The following TMEM132D variants were observed in gnomAD, a reference collection of about 807,000 sequenced individuals.
TMEM132D encodes mature OL transmembrane protein.
A neutral mutation model predicts 62.3 loss-of-function variants in TMEM132D; 21 were observed. The ratio of observed to expected loss-of-function variants is 0.34; its 90% confidence interval spans 0.24 to 0.49. TMEM132D has a LOEUF of 0.49. TMEM132D is among the 20% of genes least tolerant of loss of function. TMEM132D has a pLI of 0.99. For missense variants in TMEM132D, 1,346 were observed against 1,402.8 expected (o/e 0.96, Z 0.65); for synonymous variants, 621 against 575.6 (o/e 1.08, Z -1.13).
chr12:129,891,177 G>A (rs965947866), intron 1 of TMEM132D, among the ~76,000 whole-genome samples: 2 of 152,024 alleles, frequency 1.3e-5, no homozygotes, highest in South Asian at 4.2e-4. Context: ...TTACCTCCAC[G>A]TCATCTGTCC....
At chr12:129,230,854 T>C (rs534009194) in intron 4 of TMEM132D, among the ~76,000 whole-genome samples, 11 of 152,330 alleles carry the variant, frequency 7.2e-5, no homozygotes, top group Non-Finnish European at 1.5e-4. Flanking sequence ...TTGCTCAATC[T>C]GAAACCTCAG....
At chr12:129,252,237 C>T (rs1467811820) in intron 4 of TMEM132D, among the ~76,000 whole-genome samples, 1 of 152,020 alleles carries the variant, frequency 6.6e-6, no homozygotes, top group Non-Finnish European at 1.5e-5. Flanking sequence ...ATAAACATAC[C>T]ATCTCAGCCC....
rs140685707 is a variant in TMEM132D, at chr12:129,494,750, G to A, written c.1115+36309C>T. Among the ~76,000 whole-genome samples, 462 of 152,116 alleles carry A rather than the reference G, an allele frequency of 3.0e-3. 2 individuals carry two copies. Among genetic ancestry groups the A allele is most frequent in the Admixed American group, 5.2e-3 (79 of 15,276 alleles). On this transcript the variant is annotated intron_variant, in intron 3 of 8. Coordinates refer to ENST00000422113, the MANE Select transcript of TMEM132D (RefSeq NM_133448.3). ...TATCCTCCTACAACTGAATAAAATC[G>A]GAAGTCATCATCCTGGCCTCTGAGT... is the stretch of plus-strand genomic sequence containing the variant.
At chr12:129,748,635 G>A (rs1455035919) in intron 1 of TMEM132D, among the ~76,000 whole-genome samples, 1 of 152,188 alleles carries the variant, frequency 6.6e-6, no homozygotes, top group Non-Finnish European at 1.5e-5. Flanking sequence ...AAGAGGAATG[G>A]GTGGATCCCG....
chr12:129,609,478 A>G (rs750962534), intron 2 of TMEM132D, among the ~76,000 whole-genome samples: 4 of 152,160 alleles, frequency 2.6e-5, no homozygotes, highest in South Asian at 2.1e-4. Flanking sequence ...TTAAAAAGCG[A>G]CAGGAAAACT....
At chr12:129,737,082 C>A (rs1294963934) in intron 1 of TMEM132D, among the ~76,000 whole-genome samples, 1 of 152,178 alleles carries the variant, frequency 6.6e-6, no homozygotes, top group Non-Finnish European at 1.5e-5. Flanking sequence ...TCCCAAAGTG[C>A]TGGGATTACA....
rs1381090826 is a variant in TMEM132D, at chr12:129,809,300, T to C, written c.79+93961A>G. On this transcript the variant is annotated intron_variant, in intron 1 of 8. Transcript: ENST00000422113. ...TCCAGCCTGGGCGACAGAGCGAGAC[T>C]CCATATCAAAAAAAAAAAAAAAAAT... 1.3e-3 allele frequency among the ~76,000 whole-genome samples: 153 copies of C among 113,974 alleles called. 1 individual carries two copies. The highest frequency in any genetic ancestry group is 2.0e-3 in the Non-Finnish European group (113 of 55,818). The allele number at this position is 113,974 out of a possible 152,430, so 74.8% of individuals were successfully genotyped here.
intron 1 of TMEM132D, among the ~76,000 whole-genome samples, chr12:129,714,090 T>A (rs1393867496): frequency 6.6e-6 from 1 of 152,204 alleles, no homozygotes; most frequent in East Asian, 1.9e-4. Flanking sequence ...CTCTTCATCC[T>A]CTTCCTCACG....
intron 5 of TMEM132D, among the ~76,000 whole-genome samples, chr12:129,095,242 A>G (rs867562596): frequency 3.2e-4 from 48 of 152,248 alleles, no homozygotes; most frequent in Non-Finnish European, 5.9e-4. Context: ...TGGAAAAAAA[A>G]TTCAAATGAA....
intron 1 of TMEM132D, among the ~76,000 whole-genome samples, chr12:129,870,400 T>C (rs2137376482): frequency 6.6e-6 from 1 of 152,290 alleles, no homozygotes; most frequent in South Asian, 2.1e-4. Flanking sequence ...CCCAAACCCC[T>C]GAGGAAGGCC....
chr12:129,886,684 C>T (rs1250324935), intron 1 of TMEM132D, among the ~76,000 whole-genome samples: 1 of 152,154 alleles, frequency 6.6e-6, no homozygotes, highest in African/African-American at 2.4e-5. Context: ...AGTCAAGAAA[C>T]ACAGGGCACT....
chr12:129,805,406 A>T (rs1871947402), intron 1 of TMEM132D, among the ~76,000 whole-genome samples: 1 of 152,084 alleles, frequency 6.6e-6, no homozygotes, highest in Admixed American at 6.5e-5. Context: ...CAACCATCTG[A>T]TCTTTGACAA....
In TMEM132D at chr12:129,465,502, A is replaced by C. The variant is rs189883918; in HGVS notation, c.1115+65557T>G. 3.9e-3 allele frequency among the ~76,000 whole-genome samples: 600 copies of C among 152,312 alleles called. 3 individuals carry two copies. The highest frequency in any genetic ancestry group is 0.013 in the African/African-American group (561 of 41,564). On this transcript the variant is annotated intron_variant, in intron 3 of 8. Transcript: ENST00000422113. The stretch of plus-strand genomic sequence containing the variant: ...TATTCAATTAGGAAAAGAGGAAGTC[A>C]AATTGTCCCTGTTTGCAGATGACAT...
intron 4 of TMEM132D, among the ~76,000 whole-genome samples, chr12:129,237,345 T>C (rs1312043468): frequency 2.0e-5 from 3 of 152,150 alleles, no homozygotes; most frequent in Non-Finnish European, 4.4e-5. Flanking sequence ...GTTTAATGCC[T>C]GAAAAAAAAT....
intron 5 of TMEM132D, among the ~76,000 whole-genome samples, chr12:129,180,677 G>A (rs1437659517): frequency 6.6e-6 from 1 of 152,182 alleles, no homozygotes; most frequent in Non-Finnish European, 1.5e-5. Flanking sequence ...GGTGACATTT[G>A]GACCCAAATG....
At chr12:129,526,907 G>A (rs570055729) in intron 3 of TMEM132D, among the ~76,000 whole-genome samples, 1 of 152,336 alleles carries the variant, frequency 6.6e-6, no homozygotes, top group Admixed American at 6.5e-5. Flanking sequence ...TGGGACCCTA[G>A]TGATACTGGA....
At chr12:129,096,539 A>G (rs988628429) in intron 5 of TMEM132D, among the ~76,000 whole-genome samples, 2 of 152,200 alleles carry the variant, frequency 1.3e-5, no homozygotes, top group African/African-American at 4.8e-5. Context: ...CATCTTTGTC[A>G]ATAGCTGGGG....
At chr12:129,195,489 CG>C (rs932477341) in intron 5 of TMEM132D, among the ~76,000 whole-genome samples, 3 of 151,652 alleles carry the variant, frequency 2.0e-5, no homozygotes, top group African/African-American at 7.3e-5. Context: ...CTTTGACTCT[CG>C]GGTGGGGAGT....
intron 5 of TMEM132D, among the ~76,000 whole-genome samples, chr12:129,196,572 G>A (rs1363487647): frequency 6.6e-6 from 1 of 152,144 alleles, no homozygotes; most frequent in Non-Finnish European, 1.5e-5. Flanking sequence ...TATTTGACTG[G>A]TGATGTCTGC....
Sources: gnomAD v4.1 joint callset for allele counts (sites outside exome capture counted in the v4.1 genomes callset) on GRCh38, gnomAD v4.1.1 for gene constraint, MANE v1.5 for transcripts, NCBI Gene and HGNC (gene_info 2026-07-23, HGNC 2026-07-21) for gene names.